Variants in MCPH1 observed in about 807,000 individuals in gnomAD.
MCPH1 encodes microcephalin.
Under a neutral mutation model 84.5 loss-of-function variants are expected in MCPH1, and 104 were observed. The observed-to-expected ratio is 1.23, with a 90% CI of 1.05 to 1.45. The LOEUF (loss-of-function observed/expected upper bound fraction) is 1.45. Ranked by LOEUF, MCPH1 falls within the 40% of genes most tolerant of loss-of-function variation. MCPH1 has a pLI of 0.00. For missense variants in MCPH1, 1,498 were observed against 1,005.7 expected, an observed-to-expected ratio of 1.49 and a Z score of -6.62; for synonymous variants, 514 against 366.8, an observed-to-expected ratio of 1.40 and a Z score of -4.58.
intron 2 of MCPH1, among the ~76,000 whole-genome samples, chr8:6,410,422 G>A (rs967409575): frequency 6.6e-6 from 1 of 152,192 alleles, no homozygotes; most frequent in African/African-American, 2.4e-5. Context: ...ACTTAGTGCA[G>A]TTTTCAGTGA....
At position 6,445,503 on chromosome 8, in the gene MCPH1, C is replaced by T. The variant is rs115033462; in HGVS notation, c.1781C>T (p.Thr594Met). 5.2e-4 allele frequency: 845 copies of T among 1,612,220 alleles called. 2 individuals are homozygous for T. In the African/African-American group the frequency reaches 0.01, roughly 20 times the overall value. ...TTTATAGTTGACTGTAACATGGAGA[C>T]GTCTACAGAAGAGAAGGAAAACTTA... ...PCFIVDCNME[T>M]STEEKENLPG... The change falls in exon 8 of 14, where the codon ACG becomes ATG. Residue 594 changes from threonine to methionine, a missense_variant. By Grantham distance (81) the Thr-to-Met change is moderately conservative (BLOSUM62 -1). Coordinates refer to ENST00000344683, the MANE Select transcript of MCPH1 (RefSeq NM_024596.5).
chr8:6,631,557 GA>G (rs1218641794), intron 13 of MCPH1, among the ~76,000 whole-genome samples: 1 of 151,222 alleles, frequency 6.6e-6, no homozygotes, highest in African/African-American at 2.4e-5. Flanking sequence ...ATAGGCAAAT[GA>G]AAAGATGCTT....
intron 9 of MCPH1, among the ~76,000 whole-genome samples, chr8:6,471,469 G>A (rs1041956573): frequency 3.9e-5 from 6 of 152,184 alleles, no homozygotes; most frequent in African/African-American, 1.4e-4. Flanking sequence ...ATTTCCAGAT[G>A]TTTCCTTTCT....
At chr8:6,505,823 A>G (rs1563308542) in intron 12 of MCPH1, among the ~76,000 whole-genome samples, 3 of 139,906 alleles carry the variant, frequency 2.1e-5, no homozygotes, top group Non-Finnish European at 4.6e-5. Flanking sequence ...ATATATGTAT[A>G]TATAAAAACA....
At chr8:6,505,504 T>C (rs1280367235) in intron 12 of MCPH1, among the ~76,000 whole-genome samples, 272 of 4,422 alleles carry the variant, frequency 0.062, 11 homozygotes, top group African/African-American at 0.1. Flanking sequence ...TTTATATATG[T>C]ATATATAGAA....
At chr8:6,594,718 TGCAGGGG>T (rs1828790158) in intron 12 of MCPH1, among the ~76,000 whole-genome samples, 1 of 120,514 alleles carries the variant, frequency 8.3e-6, no homozygotes, top group Non-Finnish European at 1.9e-5. Flanking sequence ...TGCAGGGGAC[TGCAGGGG>T]AAGGGAGGAT....
intron 12 of MCPH1, among the ~76,000 whole-genome samples, chr8:6,566,143 T>C (rs925577658): frequency 4.6e-5 from 7 of 152,248 alleles, no homozygotes; most frequent in African/African-American, 1.7e-4. Context: ...TACTGAAATT[T>C]GAATTTCTTG....
At chr8:6,562,745 C>T (rs1258471583) in intron 12 of MCPH1, 2 of 1,613,894 alleles carry the variant, frequency 1.2e-6, no homozygotes, top group Non-Finnish European at 1.7e-6. Context: ...CTCTGCACAG[C>T]ATTGGACACG....
intron 10 of MCPH1, among the ~76,000 whole-genome samples, chr8:6,478,168 A>G (rs557635371): frequency 1.1e-4 from 16 of 152,334 alleles, no homozygotes; most frequent in South Asian, 2.1e-4. Context: ...TTTGATATCA[A>G]TCATAGGTTT....
intron 4 of MCPH1, among the ~76,000 whole-genome samples, chr8:6,433,004 T>G (rs917367165): frequency 1.3e-5 from 2 of 152,212 alleles, no homozygotes; most frequent in African/African-American, 2.4e-5. Context: ...ATTACACACA[T>G]GTACACACTC....
chr8:6,612,245 A>G (rs73661440), intron 12 of MCPH1, among the ~76,000 whole-genome samples: 7,385 of 151,574 alleles, frequency 0.049, 617 homozygotes, highest in African/African-American at 0.17. Flanking sequence ...TCACCCCCTC[A>G]CTCTGCCTAA....
At chr8:6,598,455 G>T (rs1829093469) in intron 12 of MCPH1, among the ~76,000 whole-genome samples, 1 of 152,320 alleles carries the variant, frequency 6.6e-6, no homozygotes, top group African/African-American at 2.4e-5. Context: ...AAGGGGATGG[G>T]GTGGGGGGCG....
At chr8:6,583,701 C>T (rs1408790695) in intron 12 of MCPH1, among the ~76,000 whole-genome samples, 1 of 152,042 alleles carries the variant, frequency 6.6e-6, no homozygotes, top group East Asian at 1.9e-4. Context: ...CTCATCCCCA[C>T]GTCTTATAAA....
chr8:6,505,369 AAT>A (rs1384778993), intron 12 of MCPH1, among the ~76,000 whole-genome samples: 65 of 75,566 alleles, frequency 8.6e-4, no homozygotes, highest in Non-Finnish European at 1.2e-3. Context: ...ATGTATATAG[AAT>A]ATATATATTC....
chr8:6,517,512 C>T (rs978546334), intron 12 of MCPH1, among the ~76,000 whole-genome samples: 7 of 152,166 alleles, frequency 4.6e-5, no homozygotes, highest in Non-Finnish European at 8.8e-5. Context: ...TTTGGCCTTT[C>T]AGGAAAAGAT....
At chr8:6,489,863 AC>A (rs1399683847) in intron 11 of MCPH1, among the ~76,000 whole-genome samples, 24 of 152,154 alleles carry the variant, frequency 1.6e-4, no homozygotes, top group Non-Finnish European at 2.8e-4. Context: ...TAAAAAGTAA[AC>A]TAAGATTATG....
At chr8:6,434,715 G>C (rs1364847868) in intron 4 of MCPH1, among the ~76,000 whole-genome samples, 1 of 152,158 alleles carries the variant, frequency 6.6e-6, no homozygotes, top group Non-Finnish European at 1.5e-5. Flanking sequence ...GCTAAAAGAA[G>C]TTCTTTCTAT....
intron 3 of MCPH1, among the ~76,000 whole-genome samples, chr8:6,429,854 C>T (rs552483394): frequency 6.6e-6 from 1 of 152,156 alleles, no homozygotes; most frequent in Non-Finnish European, 1.5e-5. Flanking sequence ...TGCCCACGAC[C>T]CCTCCCTCAC....
chr8:6,481,415 C>T (rs1029362994), intron 11 of MCPH1, among the ~76,000 whole-genome samples: 1 of 152,140 alleles, frequency 6.6e-6, no homozygotes, highest in Non-Finnish European at 1.5e-5. Flanking sequence ...TAATTATTTT[C>T]GTTATTCATA....
Sources: gnomAD v4.1 joint callset for allele counts (sites outside exome capture counted in the v4.1 genomes callset) on GRCh38, gnomAD v4.1.1 for gene constraint, MANE v1.5 for transcripts, NCBI Gene and HGNC (gene_info 2026-07-23, HGNC 2026-07-21) for gene names.